The following AP5Z1 variants were observed in gnomAD, a reference collection of about 807,000 sequenced individuals.
AP5Z1 encodes the protein adaptor related protein complex 5 subunit zeta 1, also known as AP-5 complex subunit zeta-1.
Under a neutral mutation model 83.0 loss-of-function variants are expected in AP5Z1, and 106 were observed. That is an observed-to-expected ratio of 1.28 (90% CI 1.09 to 1.50). The LOEUF (loss-of-function observed/expected upper bound fraction) is 1.50. Among genes scored for constraint, AP5Z1 ranks in the 40% most tolerant of loss-of-function variants. The pLI, the probability that AP5Z1 is intolerant of heterozygous loss-of-function variation, is 0.00. For synonymous variants in AP5Z1, 751 were observed against 514.1 expected (o/e 1.46, Z -6.23); for missense variants, 1,565 against 1,094.2 (o/e 1.43, Z -6.07).
At chr7:4,790,020 C>G in intron 14 of AP5Z1, 91 bp downstream of exon 14, 2 of 849,422 alleles carry the variant, frequency 2.4e-6, no homozygotes, top group Non-Finnish European at 1.6e-6. Context: ...TCAGTGGCTT[C>G]GGCACCACCC....
chr7:4,787,604 CG>C, intron 10 of AP5Z1, 29 bp from the exon 11 acceptor site: 1 of 1,541,686 alleles, frequency 6.5e-7, no homozygotes, highest in Non-Finnish European at 8.7e-7. Flanking sequence ...AGCTCCGAGC[CG>C]TGTCCGAACC....
chr7:4,788,088 C>G, intron 11 of AP5Z1, 66 bp from the exon 12 acceptor site: 1 of 1,458,042 alleles, frequency 6.9e-7, no homozygotes, highest in Non-Finnish European at 9.1e-7. Flanking sequence ...GTGTGTCTCC[C>G]TGACGGGGGT....
chr7:4,789,414 A>G (rs554691420), intron 13 of AP5Z1, among the ~76,000 whole-genome samples: 2 of 151,852 alleles, frequency 1.3e-5, no homozygotes, highest in Non-Finnish European at 2.9e-5. Flanking sequence ...GCCAAAATAA[A>G]GGCTCCCACA....
intron 13 of AP5Z1, 48 bp from the exon 14 acceptor site, chr7:4,789,783 GC>G: frequency 6.8e-7 from 1 of 1,466,018 alleles, no homozygotes; most frequent in South Asian, 1.2e-5. Flanking sequence ...CAACCTTAGG[GC>G]CTGCAGTGGG....
Position 4,786,127 on chromosome 7 carries a change from A to C in AP5Z1, c.1133-123A>C, listed in dbSNP as rs375268349. On this transcript the variant is annotated intron_variant, in intron 9 of 16. Coordinates refer to ENST00000649063, the MANE Select transcript of AP5Z1 (RefSeq NM_014855.3). ...TGCCGCTTCCCCAGCGTCCCAGCGT[A>C]GGACGCCTCGGAGCCCTTGGTGTCC... 29 of 1,011,486 alleles carry C rather than the reference A, an allele frequency of 2.9e-5. No individual in the cohort carries two copies. The African/African-American group carries it at 4.1e-4, about 14-fold the overall frequency. The allele number at this position is 1,011,486 out of a possible 1,614,324, so 62.7% of individuals were successfully genotyped here. A position where few individuals can be genotyped will look rare whatever the true frequency, so the allele number is the denominator to read the frequency against.
chr7:4,784,442 A>C, intron 6 of AP5Z1, 71 bp downstream of exon 6: 1 of 1,485,586 alleles, frequency 6.7e-7, no homozygotes. Context: ...TCGCAGGGGG[A>C]CACGGGCGGA....
At chr7:4,784,118 C>T (rs781260012) in intron 5 of AP5Z1, 85 bp from the exon 6 acceptor site, 4 of 1,450,208 alleles carry the variant, frequency 2.8e-6, no homozygotes, top group Non-Finnish European at 3.7e-6. Flanking sequence ...AGCTTCTCCT[C>T]CACCTCCTGA....
intron 14 of AP5Z1, 88 bp downstream of exon 14, chr7:4,790,017 C>T (rs1781703859): frequency 9.9e-6 from 8 of 807,234 alleles, no homozygotes; most frequent in Non-Finnish European, 1.4e-5. Context: ...CCTTCAGTGG[C>T]TTCGGCACCA....
chr7:4,791,660 G>A lies in AP5Z1; in HGVS notation c.*275G>A. 1.9e-6 allele frequency: 1 copy of A among 520,796 alleles called. No homozygotes were observed. 32.3% of individuals were successfully genotyped at this position (520,796 alleles called of 1,614,324 possible). On this transcript the variant is annotated 3_prime_UTR_variant, in exon 17 of 17. Transcript: ENST00000649063. ...TGGAGGCTTGAGGCCCTGTGGCTGG[G>A]TCGGGTGGAGGCTGCTGGGTCTGTT...
chr7:4,789,895 T>C lies in AP5Z1; in HGVS notation c.1771T>C (p.Tyr591His), dbSNP rs1490632344. 14 of 1,551,166 alleles carry C rather than the reference T, an allele frequency of 9.0e-6. No individual in the cohort carries two copies. The Admixed American group carries it at 2.5e-4, about 28-fold the overall frequency. ...LLLLGRSDSL[Y>H]PAPGYAAGVH... ...GCTCCTGGGCAGGAGCGACTCGCTC[T>C]ACCCGGCCCCAGGGTACGCTGCCGG... Residue 591 changes from tyrosine to histidine, a missense_variant, in exon 14 of 17, where the codon TAC (tyrosine) becomes CAC (histidine). Tyr to His is a moderately conservative substitution (Grantham distance 83, BLOSUM62 2). Transcript: ENST00000649063.
chr7:4,780,735 C>T (rs1781359199), intron 1 of AP5Z1, among the ~76,000 whole-genome samples: 1 of 152,136 alleles, frequency 6.6e-6, no homozygotes, highest in African/African-American at 2.4e-5. Flanking sequence ...CACTATATTC[C>T]AGCCCGGGTG....
At position 4,793,135 on chromosome 7, in the gene AP5Z1, G is replaced by A. The variant is rs886062362; in HGVS notation, c.*1750G>A. ...TGAAGGGCCGTCCCGCTCATCCAAG[G>A]GACAAGGAGGAGCTCATGGCCACAG... On this transcript the variant is annotated 3_prime_UTR_variant, in exon 17 of 17. Transcript: ENST00000649063. 6.6e-6 allele frequency: 1 copy of A among 152,352 alleles called. No individual in the cohort carries two copies. The allele number at this position is 152,352 out of a possible 1,614,324, so 9.4% of individuals were successfully genotyped here. A position where few individuals can be genotyped will look rare whatever the true frequency, so the allele number is the denominator to read the frequency against.
chr7:4,777,072 C>T (rs769136298), intron 1 of AP5Z1, among the ~76,000 whole-genome samples: 6 of 152,192 alleles, frequency 3.9e-5, no homozygotes, highest in Admixed American at 1.3e-4. Context: ...CAAAATAACC[C>T]TTAAGAGTCC....
intron 9 of AP5Z1, 63 bp from the exon 10 acceptor site, chr7:4,786,187 A>G: frequency 6.7e-7 from 1 of 1,485,866 alleles, no homozygotes. Context: ...GCCCCTAACC[A>G]GTCACAGAAG....
intron 11 of AP5Z1, among the ~76,000 whole-genome samples, 179 bp from the exon 12 acceptor site, chr7:4,787,975 C>A (rs918392442): frequency 6.6e-6 from 1 of 152,304 alleles, no homozygotes; most frequent in East Asian, 1.9e-4. Flanking sequence ...AGGGCAGCCC[C>A]TGCACCCTGG....
intron 7 of AP5Z1, 118 bp from the exon 8 acceptor site, chr7:4,785,297 G>T (rs1272035099): frequency 1.8e-5 from 26 of 1,406,256 alleles, no homozygotes; most frequent in Non-Finnish European, 4.8e-6. Flanking sequence ...TCCTCCTGGG[G>T]GCCTGTCCCA....
intron 16 of AP5Z1, 45 bp from the exon 17 acceptor site, chr7:4,791,070 G>C (rs1781752760): frequency 2.6e-6 from 4 of 1,523,034 alleles, no homozygotes; most frequent in Non-Finnish European, 3.5e-6. Context: ...CCCCTGTCCT[G>C]GGAGGGGAGC....
In AP5Z1 at chr7:4,783,780, C is replaced by T; in HGVS notation, c.603C>T (p.Ser201=). 6.5e-7 allele frequency: 1 copy of T among 1,549,548 alleles called. No individual in the cohort carries two copies. The highest frequency in any genetic ancestry group is 1.7e-4 in the Middle Eastern group (1 of 5,992). Residue 201 remains serine, a synonymous_variant, in exon 5 of 17, where the codon TCC becomes TCT. Transcript: ENST00000649063. Reference sequence around the variant, plus strand: ...TCCCACACTCCGGCGGCTTCTTCTCCACGCCCAGGGCCCGGCAGGTGAGGC... The same window carrying T: ...TCCCACACTCCGGCGGCTTCTTCTCTACGCCCAGGGCCCGGCAGGTGAGGC... ...QGLPHSGGFF[S]TPRARQPGPV...
rs780050463 is a variant in AP5Z1, at chr7:4,787,815, C to T, written c.1454+39C>T. ...CCTCTGCCAGCGCTGCGTCTCCCAG[C>T]CAGCTGGTTCCACACACTGGGCCCC... On this transcript the variant is annotated intron_variant, in intron 11 of 16. Coordinates refer to ENST00000649063, the MANE Select transcript of AP5Z1 (RefSeq NM_014855.3). 7.3e-6 allele frequency: 11 copies of T among 1,500,086 alleles called. No homozygotes were observed. The South Asian group carries it at 1.3e-4, about 17-fold the overall frequency. 92.9% of individuals were successfully genotyped at this position (1,500,086 alleles called of 1,614,324 possible). A position where few individuals can be genotyped will look rare whatever the true frequency, so the allele number is the denominator to read the frequency against.
Sources: allele counts gnomAD v4.1 joint callset (sites outside exome capture counted in the v4.1 genomes callset), GRCh38; gene constraint gnomAD v4.1.1; transcripts MANE v1.5; gene names NCBI Gene and HGNC (gene_info 2026-07-23, HGNC 2026-07-21).